The following CREB5 variants were observed in gnomAD, a reference collection of about 807,000 sequenced individuals.
The protein encoded by CREB5 is cyclic AMP-responsive element-binding protein 5.
Under a neutral mutation model 57.1 loss-of-function variants are expected in CREB5, and 19 were observed. The ratio of observed to expected loss-of-function variants is 0.33; its 90% confidence interval spans 0.23 to 0.49. The LOEUF (loss-of-function observed/expected upper bound fraction) is 0.49. Ranked by LOEUF, CREB5 falls within the 20% of genes least tolerant of loss-of-function variation. The pLI, the probability that CREB5 is intolerant of heterozygous loss-of-function variation, is 0.99. For missense variants in CREB5, 579 were observed against 671.6 expected, an observed-to-expected ratio of 0.86 and a Z score of 1.52; for synonymous variants, 238 against 238.3, an observed-to-expected ratio of 1.00 and a Z score of 0.01.
At chr7:28,610,714 G>C (rs1797349874) in intron 5 of CREB5, among the ~76,000 whole-genome samples, 1 of 152,148 alleles carries the variant, frequency 6.6e-6, no homozygotes, top group African/African-American at 2.4e-5. Context: ...TCTTGGAATG[G>C]AGGATTTTCA....
intron 1 of CREB5, among the ~76,000 whole-genome samples, chr7:28,414,844 T>C (rs1198803731): frequency 2.6e-5 from 4 of 152,128 alleles, no homozygotes; most frequent in Non-Finnish European, 5.9e-5. Flanking sequence ...GATAGCACTC[T>C]TCCAGAAACC....
At chr7:28,591,316 C>G (rs1158192230) in intron 5 of CREB5, among the ~76,000 whole-genome samples, 1 of 152,192 alleles carries the variant, frequency 6.6e-6, no homozygotes, top group Non-Finnish European at 1.5e-5. Context: ...GAGAGGAGTC[C>G]TCTCTAGCTT....
At chr7:28,369,054 A>AAAC (rs1201618643) in intron 1 of CREB5, among the ~76,000 whole-genome samples, 2 of 70,198 alleles carry the variant, frequency 2.8e-5, no homozygotes, top group African/African-American at 9.7e-5. Flanking sequence ...CAAAAAAACA[A>AAAC]AACAAACAAA....
At chr7:28,582,576 C>T (rs989715068) in intron 5 of CREB5, among the ~76,000 whole-genome samples, 10 of 152,152 alleles carry the variant, frequency 6.6e-5, no homozygotes, top group Non-Finnish European at 1.0e-4. Flanking sequence ...TGGGAGTTTT[C>T]CAAAGTCTAA....
chr7:28,375,202 G>C, intron 1 of CREB5, among the ~76,000 whole-genome samples: 1 of 152,144 alleles, frequency 6.6e-6, no homozygotes. Flanking sequence ...CTAAGATTTT[G>C]TTCTGTTTGG....
At chr7:28,466,432 C>G (rs762595026) in intron 1 of CREB5, among the ~76,000 whole-genome samples, 20 of 152,122 alleles carry the variant, frequency 1.3e-4, no homozygotes, top group Non-Finnish European at 2.5e-4. Flanking sequence ...GTGTTTGGTT[C>G]CTGGCTCTCT....
chr7:28,472,025 T>C (rs1379555969), intron 1 of CREB5, among the ~76,000 whole-genome samples: 1 of 151,856 alleles, frequency 6.6e-6, no homozygotes, highest in Non-Finnish European at 1.5e-5. Flanking sequence ...CTCAGTTCTG[T>C]AAAGCAAACC....
intron 7 of CREB5, among the ~76,000 whole-genome samples, chr7:28,735,874 A>G (rs1803949790): frequency 6.6e-6 from 1 of 151,624 alleles, no homozygotes; most frequent in Admixed American, 6.6e-5. Flanking sequence ...GTAGAATCAT[A>G]GCTCACTGCT....
intron 5 of CREB5, among the ~76,000 whole-genome samples, chr7:28,621,354 C>T (rs1256966248): frequency 6.6e-6 from 1 of 152,050 alleles, no homozygotes. Flanking sequence ...TTTACAATAC[C>T]CCTTTTGCCC....
chr7:28,663,472 T>G (rs1460218858), intron 5 of CREB5, among the ~76,000 whole-genome samples: 1 of 152,026 alleles, frequency 6.6e-6, no homozygotes, highest in Non-Finnish European at 1.5e-5. Flanking sequence ...TCCCAAAGTG[T>G]TGGGATTATG....
chr7:28,718,927 T>C, intron 6 of CREB5, 48 bp downstream of exon 6: 1 of 1,611,154 alleles, frequency 6.2e-7, no homozygotes. Flanking sequence ...TGCACTGAGG[T>C]TTGCCACTCT....
chr7:28,526,118 A>G (rs1001098127), intron 4 of CREB5, among the ~76,000 whole-genome samples: 1 of 152,208 alleles, frequency 6.6e-6, no homozygotes, highest in African/African-American at 2.4e-5. Flanking sequence ...TCATCACTGC[A>G]GTGAGCCCAG....
At chr7:28,814,290 C>G (rs766340836) in intron 9 of CREB5, among the ~76,000 whole-genome samples, 5 of 152,236 alleles carry the variant, frequency 3.3e-5, no homozygotes, top group African/African-American at 4.8e-5. Flanking sequence ...TATGCATGTG[C>G]ACAGCACACA....
intron 1 of CREB5, among the ~76,000 whole-genome samples, chr7:28,369,570 A>G (rs1209839864): frequency 6.6e-6 from 1 of 152,246 alleles, no homozygotes; most frequent in Admixed American, 6.5e-5. Flanking sequence ...CAAGTGATTG[A>G]CACATAGTAG....
At chr7:28,693,892 G>T (rs759916395) in intron 5 of CREB5, among the ~76,000 whole-genome samples, 1 of 152,330 alleles carries the variant, frequency 6.6e-6, no homozygotes, top group Admixed American at 6.5e-5. Context: ...TCATGTAACA[G>T]TTCCTTCCAA....
At chr7:28,761,156 A>C (rs1805618942) in intron 7 of CREB5, among the ~76,000 whole-genome samples, 1 of 152,220 alleles carries the variant, frequency 6.6e-6, no homozygotes. Context: ...AAGAAAAGGA[A>C]TTCAAATATC....
chr7:28,328,961 T>C (rs888533693), intron 1 of CREB5, among the ~76,000 whole-genome samples: 2 of 152,212 alleles, frequency 1.3e-5, no homozygotes, highest in Non-Finnish European at 2.9e-5. Flanking sequence ...CCAGTTGAAT[T>C]TTGCCGGTGA....
At chr7:28,513,099 T>A (rs1792784033) in intron 4 of CREB5, among the ~76,000 whole-genome samples, 1 of 152,194 alleles carries the variant, frequency 6.6e-6, no homozygotes, top group African/African-American at 2.4e-5. Context: ...TGTTACCCGA[T>A]GCCACCCATT....
At chr7:28,785,232 A>G (rs1035224330) in intron 7 of CREB5, among the ~76,000 whole-genome samples, 8 of 152,194 alleles carry the variant, frequency 5.3e-5, no homozygotes, top group Non-Finnish European at 1.2e-4. Flanking sequence ...GGGGTTGGGA[A>G]GCATCTGGGT....
Sources: gnomAD v4.1 joint callset for allele counts (sites outside exome capture counted in the v4.1 genomes callset) on GRCh38, gnomAD v4.1.1 for gene constraint, MANE v1.5 for transcripts, NCBI Gene and HGNC (gene_info 2026-07-23, HGNC 2026-07-21) for gene names.